HOOK2: variants seen among roughly 807,000 people sequenced by gnomAD.
HOOK2 encodes protein Hook homolog 2.
HOOK2 carries 108 observed loss-of-function variants against 111.9 expected under a neutral mutation model. That is an observed-to-expected ratio of 0.96 (90% CI 0.83 to 1.13). The LOEUF (loss-of-function observed/expected upper bound fraction) is 1.13. Among genes scored for constraint, HOOK2 ranks in the 50% most tolerant of loss-of-function variants. The pLI is 0.00. For synonymous variants in HOOK2, 405 were observed against 394.3 expected, an observed-to-expected ratio of 1.03 and a Z score of -0.32; for missense variants, 978 against 951.3, an observed-to-expected ratio of 1.03 and a Z score of -0.37.
rs1291679344 is a variant in HOOK2, at chr19:12,764,825, T to C, written c.1816A>G (p.Lys606Glu). 1 of 1,613,782 alleles carries C rather than the reference T, an allele frequency of 6.2e-7. No individual in the cohort carries two copies. Among genetic ancestry groups the C allele is most frequent in the Admixed American group, 1.7e-5 (1 of 60,024 alleles). The stretch of plus-strand genomic sequence containing the variant: ...CCCAGCGTCCTCACCATGCGGGCCT[T>C]GTCCACGTAGCGGCGGTATCGCTCC... The part of the protein sequence containing the change: ...MEERYRRYVD[K>E]ARMVMQTMEP... The change falls in exon 20 of 23, where the codon AAG (lysine) becomes GAG (glutamate). Residue 606 changes from lysine to glutamate, a missense_variant. Physicochemically the swap from Lys to Glu is moderately conservative, Grantham distance 56. Around this residue, in one of 5 missense-constraint regions of HOOK2, gnomAD observed 277 missense variants for 265.8 expected, o/e 1.04. Coordinates refer to ENST00000397668, the MANE Select transcript of HOOK2 (RefSeq NM_013312.3).
chr19:12,763,206 G>A lies in HOOK2; in HGVS notation c.*76C>T. 7 of 1,373,212 alleles carry A rather than the reference G, an allele frequency of 5.1e-6. No homozygotes were observed. The highest frequency in any genetic ancestry group is 6.8e-6 in the Non-Finnish European group (7 of 1,024,354). The allele number at this position is 1,373,212 out of a possible 1,614,324, so 85.1% of individuals were successfully genotyped here. On this transcript the variant is annotated 3_prime_UTR_variant, in exon 23 of 23. Transcript: ENST00000397668. ...CAAAGCTCTCGAGCACCTGGCTGAA[G>A]CCCAGTGCTGGGCGCCATGTGAGCT...
rs1409977311 is a variant in HOOK2, at chr19:12,774,686, G to A, written c.187C>T (p.Pro63Ser). The change falls in exon 3 of 23, where the codon CCC becomes TCC. Residue 63 changes from proline (P) to serine (S), a missense_variant. Coordinates refer to ENST00000397668, the MANE Select transcript of HOOK2 (RefSeq NM_013312.3). ...WLQGISEDPG[P>S]NWKLKVSNLK... ...CTTGTCACCTTCAGCTTCCAGTTGGGACCTGGATCTTCCGAGATGCCCTGG... is the reference window on the plus strand; with the variant it reads ...CTTGTCACCTTCAGCTTCCAGTTGGAACCTGGATCTTCCGAGATGCCCTGG... 1.2e-6 allele frequency: 2 copies of A among 1,614,008 alleles called. No homozygotes were observed. The highest frequency in any genetic ancestry group is 1.7e-6 in the Non-Finnish European group (2 of 1,179,996).
intron 6 of HOOK2, 41 bp downstream of exon 6, chr19:12,772,572 T>C: frequency 6.2e-7 from 1 of 1,605,092 alleles, no homozygotes; most frequent in Non-Finnish European, 8.5e-7. Flanking sequence ...ATGTCCCCTC[T>C]CCTGACATTT....
Position 12,769,893 on chromosome 19 carries a change from C to T in HOOK2, c.1092G>A (p.Ala364=), listed in dbSNP as rs1017970338. 5.4e-6 allele frequency: 8 copies of T among 1,471,814 alleles called. No individual in the cohort carries two copies. Among genetic ancestry groups the T allele is most frequent in the African/African-American group, 2.9e-5 (2 of 67,896 alleles). 91.2% of individuals were successfully genotyped at this position (1,471,814 alleles called of 1,614,324 possible). A position where few individuals can be genotyped will look rare whatever the true frequency, so the allele number is the denominator to read the frequency against. The part of the protein sequence containing the change: ...RAGSLRAQLE[A]QRRQVQELQG... ...GCCCCCGCCGCACCTGCCGCCGCTG[C>T]GCCTCCAGCTGGGCGCGCAGGGAGC... Residue 364 remains alanine, a synonymous_variant, in exon 11 of 23, where the codon GCG becomes GCA. Coordinates refer to ENST00000397668, the MANE Select transcript of HOOK2 (RefSeq NM_013312.3).
chr19:12,781,128 C>T (rs968756939), upstream of HOOK2, among the ~76,000 whole-genome samples: 1 of 147,280 alleles, frequency 6.8e-6, no homozygotes, highest in East Asian at 2.1e-4. Flanking sequence ...CGGTGAAACC[C>T]CGTCTCTACT....
Position 12,791,667 on chromosome 19 carries a change from A to C in HOOK2, n.42-17442T>G. Reference sequence around the variant, plus strand: ...CCGCGCCAGCCCCCGAGAACGCGCGACCAGGCACCCAGTCCGGTCACCGCA... The same window carrying C: ...CCGCGCCAGCCCCCGAGAACGCGCGCCCAGGCACCCAGTCCGGTCACCGCA... On this transcript the variant is annotated intron_variant and non_coding_transcript_variant, in intron 3 of 3. Coordinates refer to the HOOK2 transcript ENST00000589765. This position sits in a 1 kb window ranked among gnomAD's most constrained non-coding sequence, Gnocchi z 7.0. 1.3e-6 allele frequency: 1 copy of C among 788,408 alleles called. No homozygotes were observed. Among genetic ancestry groups the C allele is most frequent in the Non-Finnish European group, 1.9e-6 (1 of 538,978 alleles). 48.8% of individuals were successfully genotyped at this position (788,408 alleles called of 1,614,324 possible).
At chr19:12,785,781 G>A (rs1323682682) in intron 3 of HOOK2, among the ~76,000 whole-genome samples, 4 of 152,192 alleles carry the variant, frequency 2.6e-5, no homozygotes, top group Non-Finnish European at 5.9e-5. Context: ...TTCTGTGGGG[G>A]CACTGGACAC....
chr19:12,767,261 C>T (rs774934879), intron 14 of HOOK2, 134 bp downstream of exon 14: 332 of 702,656 alleles, frequency 4.7e-4, no homozygotes, highest in Non-Finnish European at 5.9e-4. Context: ...GTAAGTGGGC[C>T]TAGGAGCCCG....
In HOOK2 at chr19:12,775,418, G is replaced by T. The variant is rs746445430; in HGVS notation, c.32C>A (p.Ser11Tyr). 6 of 1,612,866 alleles carry T rather than the reference G, an allele frequency of 3.7e-6. No individual in the cohort carries two copies. Among genetic ancestry groups the T allele is most frequent in the Non-Finnish European group, 5.1e-6 (6 of 1,179,668 alleles). Residue 11 changes from serine to tyrosine, a missense_variant, in exon 1 of 23, where the codon TCT becomes TAT. This residue lies in a region of HOOK2 where 301 missense variants were observed against 286.1 expected (regional missense o/e 1.05). Coordinates refer to ENST00000397668, the MANE Select transcript of HOOK2 (RefSeq NM_013312.3). ...CCCACGACCTACCCAGGTGAGCAGA[G>T]ACCCGCATAGCTCAGCTTTGTCCAC... MSVDKAELCG[S>Y]LLTWLQTFHV...
chr19:12,786,369 G>C lies in HOOK2; in HGVS notation n.42-12144C>G, dbSNP rs1243609433. ...GGTCAGTGGGGCCAGCAGGGAGGGG[G>C]GTCACCGGGCTATTTATAAGAAGGA... On this transcript the variant is annotated intron_variant and non_coding_transcript_variant, in intron 3 of 3. Transcript: ENST00000589765. The surrounding 1 kb of genome is among the most constrained non-coding windows in gnomAD (Gnocchi z 4.3). 6.6e-6 allele frequency among the ~76,000 whole-genome samples: 1 copy of C among 152,108 alleles called. No homozygotes were observed. Among genetic ancestry groups the C allele is most frequent in the Non-Finnish European group, 1.5e-5 (1 of 67,978 alleles).
upstream of HOOK2, chr19:12,775,561 G>A: frequency 9.9e-7 from 1 of 1,008,964 alleles, no homozygotes; most frequent in Non-Finnish European, 1.3e-6. Flanking sequence ...CTAGAGCGCC[G>A]CCCCGCCCCG....
Position 12,764,995 on chromosome 19 carries a change from T to G in HOOK2, c.1723+4A>C, listed in dbSNP as rs573430959. 2.6e-5 allele frequency: 42 copies of G among 1,614,150 alleles called. No homozygotes were observed. The East Asian group carries it at 8.0e-4, about 31-fold the overall frequency. On this transcript the variant is annotated splice_donor_region_variant and intron_variant, in intron 19 of 22. Transcript: ENST00000397668. ...CCACCCTCTGGTCACTAGGTCCTAC[T>G]TACTGCTGCTGTCAGTGGGTGGCTC...
Position 12,763,397 on chromosome 19 carries a change from C to T in HOOK2, c.2045G>A (p.Arg682Gln), listed in dbSNP as rs776777069. The part of the protein sequence containing the change: ...MALQQRAGEE[R>Q]APAHAQSFLA... ...GAATGACTGGGCATGGGCAGGCGCC[C>T]GCTCCTCCCCAGCTCGCTGCTGCAA... Residue 682 changes from arginine (R) to glutamine (Q), a missense_variant, in exon 23 of 23, where the codon CGG becomes CAG. Physicochemically the swap from Arg to Gln is conservative, Grantham distance 43 (BLOSUM62 1). Coordinates refer to ENST00000397668, the MANE Select transcript of HOOK2 (RefSeq NM_013312.3). 2.0e-5 allele frequency: 33 copies of T among 1,613,888 alleles called. No homozygotes were observed. The highest frequency in any genetic ancestry group is 8.8e-5 in the South Asian group (8 of 91,086).
At chr19:12,765,506 G>C (rs1425488151) in intron 18 of HOOK2, 184 bp downstream of exon 18, 3 of 763,494 alleles carry the variant, frequency 3.9e-6, no homozygotes, top group Non-Finnish European at 6.6e-6. Flanking sequence ...CCAGCACTTT[G>C]GGAGGCCAAA....
chr19:12,788,715 C>T (rs1375213860), intron 3 of HOOK2, among the ~76,000 whole-genome samples: 4 of 152,218 alleles, frequency 2.6e-5, no homozygotes, highest in Non-Finnish European at 5.9e-5. Flanking sequence ...CTGCCCTGCC[C>T]TGCCCAACCC....
intron 6 of HOOK2, 125 bp from the exon 7 acceptor site, chr19:12,772,377 C>T: frequency 8.6e-7 from 1 of 1,164,652 alleles, no homozygotes; most frequent in South Asian, 1.3e-5. Flanking sequence ...ATAACCCCAG[C>T]CCAGAGGCTG....
At position 12,763,438 on chromosome 19, in the gene HOOK2, G is replaced by A. The variant is rs1968054541; in HGVS notation, c.2011-7C>T. 6.2e-7 allele frequency: 1 copy of A among 1,613,674 alleles called. No individual in the cohort carries two copies. Among genetic ancestry groups the A allele is most frequent in the South Asian group, 1.1e-5 (1 of 91,090 alleles). ...GCTGCTGCAAGGCCATGCCCTTCAG[G>A]AGGAGGTGTGGTTGGGGTCAGGTGA... is the stretch of plus-strand genomic sequence containing the variant. On this transcript the variant is annotated splice_region_variant and splice_polypyrimidine_tract_variant and intron_variant, in intron 22 of 22. Transcript: ENST00000397668.
chr19:12,776,673 C>CAA (rs59092661), upstream of HOOK2, among the ~76,000 whole-genome samples: 1,506 of 95,690 alleles, frequency 0.016, 29 homozygotes, highest in African/African-American at 0.035. Flanking sequence ...CAAGACTCCT[C>CAA]AAAAAAAAAA....
rs755971052 is a variant in HOOK2 at position 12,764,978 on chromosome 19, T to C, written c.1723+21A>G. The C allele has an allele frequency of 1.7e-5, 28 of 1,613,952 alleles. No homozygotes were observed. The Admixed American group carries it at 2.2e-4, about 12-fold the overall frequency. ...TGGGCTCTGGGATCTCCCCACCCTC[T>C]GGTCACTAGGTCCTACTTACTGCTG... On this transcript the variant is annotated intron_variant, in intron 19 of 22. Transcript: ENST00000397668.
Sources: allele counts gnomAD v4.1 joint callset (sites outside exome capture counted in the v4.1 genomes callset), GRCh38; gene constraint gnomAD v4.1.1; regional missense constraint gnomAD v4.1.1; non-coding constraint Gnocchi (gnomAD v3.1); transcripts MANE v1.5; gene names NCBI Gene and HGNC (gene_info 2026-07-23, HGNC 2026-07-21).